Variants in PLD1 observed in about 807,000 individuals in gnomAD.
PLD1 encodes choline phosphatase 1.
A neutral mutation model predicts 137.1 loss-of-function variants in PLD1; 112 were observed. The ratio of observed to expected loss-of-function variants is 0.82; its 90% CI spans 0.70 to 0.96. PLD1 has a LOEUF of 0.96. PLD1 is among the 40% of genes least tolerant of loss of function. The pLI is 0.00. For missense variants in PLD1, 1,321 were observed against 1,342.0 expected, an observed-to-expected ratio of 0.98 and a Z score of 0.24; for synonymous variants, 431 against 454.7, an observed-to-expected ratio of 0.95 and a Z score of 0.66.
chr3:171,793,034 CA>C, intron 1 of PLD1: 1 of 241,530 alleles, frequency 4.1e-6, no homozygotes, highest in South Asian at 4.8e-5. Flanking sequence ...CGTGGGAACA[CA>C]AACCAGTGAA....
intron 16 of PLD1, among the ~76,000 whole-genome samples, chr3:171,682,758 T>C (rs1714142953): frequency 6.6e-6 from 1 of 152,146 alleles, no homozygotes; most frequent in Non-Finnish European, 1.5e-5. Context: ...CCAATAGCTG[T>C]GGGAGGGTCC....
rs770091498 is a variant in PLD1 at position 171,688,656 on chromosome 3, T to G, written c.1539+20A>C. On this transcript the variant is annotated intron_variant, in intron 14 of 26. Coordinates refer to ENST00000351298, the MANE Select transcript of PLD1 (RefSeq NM_002662.5). ...ATTATGTTCGTGTTATACATTTCCA[T>G]AAAGGTTAAATATACTTACTGGGAG... 6.4e-7 allele frequency: 1 copy of G among 1,566,268 alleles called. No homozygotes were observed. The highest frequency in any genetic ancestry group is 1.7e-5 in the Admixed American group (1 of 59,986).
At chr3:171,714,095 C>T (rs367962718) in intron 8 of PLD1, 50 bp from the exon 9 acceptor site, 41 of 1,126,228 alleles carry the variant, frequency 3.6e-5, no homozygotes, top group African/African-American at 4.6e-5. Flanking sequence ...GTAAATAAAA[C>T]GAGAAGAACT....
chr3:171,713,477 G>A (rs562963250), intron 9 of PLD1, among the ~76,000 whole-genome samples: 9 of 152,252 alleles, frequency 5.9e-5, no homozygotes, highest in African/African-American at 2.2e-4. Flanking sequence ...GCCTGTCTCA[G>A]AGAAAAAGAA....
intron 19 of PLD1, among the ~76,000 whole-genome samples, chr3:171,666,604 T>C (rs757210540): frequency 1.3e-5 from 2 of 152,266 alleles, no homozygotes; most frequent in Admixed American, 6.5e-5. Flanking sequence ...GATTTCCTTT[T>C]GTTTTAATAT....
chr3:171,621,570 A>G (rs1051479069), intron 23 of PLD1, among the ~76,000 whole-genome samples: 5 of 152,340 alleles, frequency 3.3e-5, no homozygotes, highest in African/African-American at 1.2e-4. Context: ...TATCTTGGAA[A>G]GAAATTCATT....
At chr3:171,802,951 T>C (rs1330554369) in intron 1 of PLD1, among the ~76,000 whole-genome samples, 1 of 152,198 alleles carries the variant, frequency 6.6e-6, no homozygotes, top group African/African-American at 2.4e-5. Flanking sequence ...AGAAGGCACA[T>C]GGGGTGATCA....
At position 171,744,517 on chromosome 3, in the gene PLD1, T is replaced by C. The variant is rs76079152; in HGVS notation, c.-31-6435A>G. Among the ~76,000 whole-genome samples, 1,051 of 152,288 alleles carry C rather than the reference T, an allele frequency of 6.9e-3. 12 individuals are homozygous for C. The highest frequency in any genetic ancestry group is 0.02 in the African/African-American group (821 of 41,558). Reference sequence around the variant, plus strand: ...AGCCCAGCAATCTTCCACTTACTTATCCTTCTCTCCTGGTTTTATATCACA... The same window carrying C: ...AGCCCAGCAATCTTCCACTTACTTACCCTTCTCTCCTGGTTTTATATCACA... On this transcript the variant is annotated intron_variant, in intron 1 of 26. Coordinates refer to ENST00000351298, the MANE Select transcript of PLD1 (RefSeq NM_002662.5).
intron 6 of PLD1, among the ~76,000 whole-genome samples, chr3:171,729,411 C>A (rs957735364): frequency 2.0e-5 from 3 of 152,124 alleles, no homozygotes; most frequent in African/African-American, 7.2e-5. Flanking sequence ...GCAACAAGCC[C>A]TAGGGGTAAC....
In PLD1 at chr3:171,620,513, AT is replaced by A; in HGVS notation, c.2600del (p.Asn867IlefsTer4). On this transcript the variant is annotated frameshift_variant, in exon 24 of 27. Coordinates refer to ENST00000351298, the MANE Select transcript of PLD1 (RefSeq NM_002662.5). LOFTEE classifies it high-confidence loss of function. Reference protein sequence around the residue: ...ILGQLKAELGNQWINYISFCG... With the variant: ...ILGQLKAELGXQWINYISFCG... Reference sequence around the variant, plus strand: ...AGAATGATATGTAATTTATCCACTGATTACCAACTGCAAATTTAAAAAGAAA... The same window carrying A: ...AGAATGATATGTAATTTATCCACTGATACCAACTGCAAATTTAAAAAGAAA... The A allele has an allele frequency of 6.4e-7, 1 of 1,565,558 alleles. No individual in the cohort carries two copies. The highest frequency in any genetic ancestry group is 8.7e-7 in the Non-Finnish European group (1 of 1,142,868).
intron 1 of PLD1, among the ~76,000 whole-genome samples, chr3:171,742,382 C>T (rs9845619): frequency 0.36 from 54,348 of 151,964 alleles, 10,727 homozygotes; most frequent in African/African-American, 0.5. Context: ...TGTGCCACTA[C>T]GCATGGCTAA....
chr3:171,605,121 C>A (rs1366129859), intron 26 of PLD1, among the ~76,000 whole-genome samples, 178 bp downstream of exon 26: 1 of 152,186 alleles, frequency 6.6e-6, no homozygotes, highest in Non-Finnish European at 1.5e-5. Context: ...ATCCACAATG[C>A]TTTTTGCCTT....
At chr3:171,680,444 C>T (rs1230397263) in intron 16 of PLD1, among the ~76,000 whole-genome samples, 1 of 151,796 alleles carries the variant, frequency 6.6e-6, no homozygotes, top group Non-Finnish European at 1.5e-5. Flanking sequence ...CCATGTTGGC[C>T]AGGCTCATCT....
At chr3:171,626,478 T>G (rs572907158) in intron 23 of PLD1, among the ~76,000 whole-genome samples, 1 of 152,158 alleles carries the variant, frequency 6.6e-6, no homozygotes, top group South Asian at 2.1e-4. Context: ...CAGGCCAACA[T>G]TCAGATTCAG....
chr3:171,730,489 C>T (rs1160978987), intron 6 of PLD1, among the ~76,000 whole-genome samples: 2 of 151,498 alleles, frequency 1.3e-5, no homozygotes, highest in African/African-American at 2.4e-5. Flanking sequence ...TGAGCACAAA[C>T]CCAACCAATG....
intron 24 of PLD1, among the ~76,000 whole-genome samples, chr3:171,614,712 C>T (rs1462812446): frequency 6.6e-6 from 1 of 152,186 alleles, no homozygotes. Flanking sequence ...TTTACTGTGC[C>T]CCTGGAGCCA....
intron 1 of PLD1, among the ~76,000 whole-genome samples, chr3:171,747,470 C>CTT (rs200205947): frequency 0.063 from 8,948 of 143,062 alleles, 328 homozygotes; most frequent in African/African-American, 0.1. Flanking sequence ...CTCTTCCTCT[C>CTT]TTTTTTTTTT....
intron 23 of PLD1, among the ~76,000 whole-genome samples, chr3:171,636,754 G>A (rs899404756): frequency 3.3e-5 from 5 of 151,750 alleles, no homozygotes; most frequent in African/African-American, 1.2e-4. Context: ...TTTAAAAAAT[G>A]TATATTTTTC....
At chr3:171,637,776 C>T (rs1416334190) in intron 23 of PLD1, among the ~76,000 whole-genome samples, 2 of 152,112 alleles carry the variant, frequency 1.3e-5, no homozygotes, top group African/African-American at 2.4e-5. Context: ...CAAACCTGTA[C>T]AGCATGATAC....
Sources: allele counts gnomAD v4.1 joint callset (sites outside exome capture counted in the v4.1 genomes callset), GRCh38; gene constraint gnomAD v4.1.1; transcripts MANE v1.5; gene names NCBI Gene and HGNC (gene_info 2026-07-23, HGNC 2026-07-21).